The following EPM2A variants were observed in gnomAD, a reference collection of about 807,000 sequenced individuals.
The protein encoded by EPM2A is laforin.
In EPM2A, 21 loss-of-function variants were observed where a neutral mutation model predicts 26.5. The observed-to-expected ratio is 0.79, with a 90% CI of 0.56 to 1.14. EPM2A has a LOEUF of 1.14. Among genes scored for constraint, EPM2A ranks in the 50% most tolerant of loss-of-function variants. EPM2A has a pLI of 0.00. For missense variants in EPM2A, 458 were observed against 440.8 expected (o/e 1.04, Z -0.35); for synonymous variants, 217 against 177.6 (o/e 1.22, Z -1.76).
At chr6:145,664,860 C>G (rs867307793) in intron 2 of EPM2A, among the ~76,000 whole-genome samples, 2 of 151,720 alleles carry the variant, frequency 1.3e-5, no homozygotes, top group Admixed American at 1.3e-4. Flanking sequence ...TTAAGACTCT[C>G]ACTCAAAGCC....
At chr6:145,712,803 T>C (rs553922324) in intron 1 of EPM2A, among the ~76,000 whole-genome samples, 5 of 152,270 alleles carry the variant, frequency 3.3e-5, no homozygotes, top group African/African-American at 9.6e-5. Flanking sequence ...AAAGTTTCTA[T>C]GGGGAATCAT....
At chr6:145,436,369 T>C (rs1019750851) in intron 4 of EPM2A, among the ~76,000 whole-genome samples, 1 of 152,190 alleles carries the variant, frequency 6.6e-6, no homozygotes, top group South Asian at 2.1e-4. Flanking sequence ...AGGAATGGAA[T>C]TGCTGGGTTT....
intron 2 of EPM2A, among the ~76,000 whole-genome samples, chr6:145,677,520 A>G (rs1318340488): frequency 6.6e-6 from 1 of 152,230 alleles, no homozygotes; most frequent in East Asian, 1.9e-4. Context: ...TCATGATTGT[A>G]TATTTAGAAA....
intron 4 of EPM2A, among the ~76,000 whole-genome samples, chr6:145,410,141 G>A (rs1259105708): frequency 6.6e-6 from 1 of 152,198 alleles, no homozygotes; most frequent in Non-Finnish European, 1.5e-5. Flanking sequence ...GTATCCAAAT[G>A]AGGATTAATG....
chr6:145,508,063 A>G (rs1162760115), intron 2 of EPM2A, among the ~76,000 whole-genome samples: 1 of 152,222 alleles, frequency 6.6e-6, no homozygotes, highest in Admixed American at 6.5e-5. Flanking sequence ...CTTGAGTCAA[A>G]GAAAACTTGA....
intron 1 of EPM2A, among the ~76,000 whole-genome samples, chr6:145,731,526 A>G (rs752084802): frequency 4.3e-4 from 66 of 152,182 alleles, no homozygotes; most frequent in Non-Finnish European, 8.4e-4. Flanking sequence ...AACACAGGAA[A>G]ACAAAACCAA....
At chr6:145,665,943 A>C (rs1005004579) in intron 2 of EPM2A, among the ~76,000 whole-genome samples, 1 of 150,514 alleles carries the variant, frequency 6.6e-6, no homozygotes. Context: ...ATGCAGAAAA[A>C]GCCTTTGACA....
chr6:145,678,694 A>C (rs908738049), intron 2 of EPM2A, among the ~76,000 whole-genome samples: 2 of 152,218 alleles, frequency 1.3e-5, no homozygotes, highest in Non-Finnish European at 2.9e-5. Context: ...TCAAAACCAC[A>C]ATGAGATACC....
chr6:145,714,135 A>G lies in EPM2A; in HGVS notation c.301+21063T>C, dbSNP rs551279267. Among the ~76,000 whole-genome samples, 4 of 152,310 alleles carry G rather than the reference A, an allele frequency of 2.6e-5. 1 individual carries two copies. In the South Asian group the frequency reaches 8.3e-4, roughly 32 times the overall value. On this transcript the variant is annotated intron_variant, in intron 1 of 3. Transcript: ENST00000367519. ...CAGAGTTTCATTTTGGAATGGCAAA[A>G]ATGTCATAAGTGTTGATAGTTACAT...
intron 4 of EPM2A, among the ~76,000 whole-genome samples, chr6:145,434,204 T>G (rs1489685761): frequency 6.6e-6 from 1 of 151,960 alleles, no homozygotes; most frequent in Non-Finnish European, 1.5e-5. Context: ...TAATGTATCC[T>G]TTTTCTCTGA....
At chr6:145,421,329 C>T (rs965923947) in intron 4 of EPM2A, among the ~76,000 whole-genome samples, 1 of 152,018 alleles carries the variant, frequency 6.6e-6, no homozygotes, top group African/African-American at 2.4e-5. Context: ...TTTCTGGCTA[C>T]CTTTGAATAA....
chr6:145,579,945 A>G (rs1781090148), intron 2 of EPM2A, among the ~76,000 whole-genome samples: 2 of 152,156 alleles, frequency 1.3e-5, no homozygotes, highest in South Asian at 2.1e-4. Context: ...TTCACACATA[A>G]TATACTAACA....
chr6:145,726,204 A>C (rs1471965171), intron 1 of EPM2A, among the ~76,000 whole-genome samples: 1 of 152,148 alleles, frequency 6.6e-6, no homozygotes, highest in Non-Finnish European at 1.5e-5. Flanking sequence ...ACAAAAGAGA[A>C]GTCACTGAAA....
At chr6:145,651,740 T>C (rs368450367) in intron 2 of EPM2A, among the ~76,000 whole-genome samples, 7 of 152,158 alleles carry the variant, frequency 4.6e-5, no homozygotes, top group Admixed American at 2.0e-4. Flanking sequence ...TACTAAGATA[T>C]ACAGATATCC....
intron 4 of EPM2A, among the ~76,000 whole-genome samples, chr6:145,466,990 T>C (rs935038706): frequency 6.6e-6 from 1 of 152,098 alleles, no homozygotes; most frequent in Non-Finnish European, 1.5e-5. Flanking sequence ...CTGGGGACTC[T>C]TGTGGGGCGG....
At chr6:145,419,988 T>C (rs965588454) in intron 4 of EPM2A, among the ~76,000 whole-genome samples, 1 of 152,166 alleles carries the variant, frequency 6.6e-6, no homozygotes, top group Admixed American at 6.5e-5. Context: ...TTTTTTGCAT[T>C]GCTGGCTTCT....
At chr6:145,714,808 A>G (rs570221439) in intron 1 of EPM2A, among the ~76,000 whole-genome samples, 1 of 152,304 alleles carries the variant, frequency 6.6e-6, no homozygotes, top group Admixed American at 6.5e-5. Flanking sequence ...AGAACAACAC[A>G]AGAAAGACCT....
At chr6:145,385,718 C>A (rs1440390698) in intron 4 of EPM2A, among the ~76,000 whole-genome samples, 1 of 152,134 alleles carries the variant, frequency 6.6e-6, no homozygotes, top group Non-Finnish European at 1.5e-5. Context: ...GTATTTAAGA[C>A]AATGAGTAGC....
intron 1 of EPM2A, among the ~76,000 whole-genome samples, chr6:145,689,611 T>C (rs1781147385): frequency 6.6e-6 from 1 of 152,224 alleles, no homozygotes; most frequent in Admixed American, 6.5e-5. Flanking sequence ...CCATTCTCTC[T>C]AGCCAAATGA....
Sources: allele counts gnomAD v4.1 joint callset (sites outside exome capture counted in the v4.1 genomes callset), GRCh38; gene constraint gnomAD v4.1.1; transcripts MANE v1.5; gene names NCBI Gene and HGNC (gene_info 2026-07-23, HGNC 2026-07-21).